PCCA: variants seen among roughly 807,000 people sequenced by gnomAD.
PCCA encodes propionyl-CoA carboxylase subunit alpha.
Under a neutral mutation model 101.3 loss-of-function variants are expected in PCCA, and 74 were observed. The ratio of observed to expected loss-of-function variants is 0.73; its 90% CI spans 0.61 to 0.89. The LOEUF (loss-of-function observed/expected upper bound fraction) is 0.89. PCCA is among the 40% of genes least tolerant of loss of function. PCCA has a pLI of 0.00. For synonymous variants in PCCA, 294 were observed against 313.6 expected (o/e 0.94, Z 0.66); for missense variants, 891 against 907.0 (o/e 0.98, Z 0.23).
intron 4 of PCCA, among the ~76,000 whole-genome samples, chr13:100,132,039 G>A (rs1175157966): frequency 6.6e-6 from 1 of 152,146 alleles, no homozygotes; most frequent in Non-Finnish European, 1.5e-5. Flanking sequence ...GACAATACTA[G>A]GGCAGAATAG....
chr13:100,160,974 TG>T (rs2054404143), intron 6 of PCCA: 3 of 69,174 alleles, frequency 4.3e-5, no homozygotes, highest in African/African-American at 1.8e-4. Context: ...GGATCCTATC[TG>T]TGTACTTGAA....
chr13:100,144,622 A>C (rs887153352), intron 4 of PCCA, among the ~76,000 whole-genome samples: 1 of 152,220 alleles, frequency 6.6e-6, no homozygotes, highest in African/African-American at 2.4e-5. Flanking sequence ...TTAAAAATAC[A>C]TACACTATAT....
intron 22 of PCCA, among the ~76,000 whole-genome samples, chr13:100,519,743 TA>T (rs1251521223): frequency 6.6e-6 from 1 of 152,262 alleles, no homozygotes; most frequent in Non-Finnish European, 1.5e-5. Flanking sequence ...CTTTATTTTT[TA>T]TTTCTTAAAC....
intron 20 of PCCA, among the ~76,000 whole-genome samples, chr13:100,440,672 TCCC>T (rs973214193): frequency 2.6e-4 from 40 of 152,014 alleles, no homozygotes; most frequent in African/African-American, 9.6e-4. Flanking sequence ...TTAAAAATGT[TCCC>T]CCCACCCCCA....
At chr13:100,417,123 G>A (rs1208833591) in intron 19 of PCCA, among the ~76,000 whole-genome samples, 5 of 152,222 alleles carry the variant, frequency 3.3e-5, no homozygotes, top group Admixed American at 6.5e-5. Flanking sequence ...GATTACAGGC[G>A]TGAGCCACCG....
At chr13:100,418,850 AAAG>A (rs977486057) in intron 19 of PCCA, among the ~76,000 whole-genome samples, 3 of 151,534 alleles carry the variant, frequency 2.0e-5, no homozygotes, top group East Asian at 1.9e-4. Context: ...AAAAAAGAAA[AAAG>A]AAGAAAAAAA....
chr13:100,529,922 G>T (rs1414878147), intron 23 of PCCA, among the ~76,000 whole-genome samples, 176 bp from the exon 24 acceptor site: 2 of 151,502 alleles, frequency 1.3e-5, no homozygotes, highest in Non-Finnish European at 2.9e-5. Flanking sequence ...CCACCATGGC[G>T]CCTCCCTGTT....
intron 4 of PCCA, among the ~76,000 whole-genome samples, chr13:100,113,970 C>A (rs2048560900): frequency 6.6e-6 from 1 of 152,094 alleles, no homozygotes; most frequent in Non-Finnish European, 1.5e-5. Context: ...ATTTTATAAG[C>A]TTTTTTCTGT....
intron 21 of PCCA, among the ~76,000 whole-genome samples, chr13:100,485,763 A>G (rs906397213): frequency 6.6e-6 from 1 of 152,204 alleles, no homozygotes; most frequent in African/African-American, 2.4e-5. Flanking sequence ...GCTGATGTAT[A>G]TGGAGCACTC....
At chr13:100,315,780 G>A (rs571657586) in intron 16 of PCCA, among the ~76,000 whole-genome samples, 8 of 152,152 alleles carry the variant, frequency 5.3e-5, no homozygotes, top group African/African-American at 1.9e-4. Flanking sequence ...GGTGAACTCT[G>A]CCAGAGGTCA....
At chr13:100,485,164 A>C (rs1437219460) in intron 21 of PCCA, among the ~76,000 whole-genome samples, 1 of 152,204 alleles carries the variant, frequency 6.6e-6, no homozygotes, top group Non-Finnish European at 1.5e-5. Context: ...TGGGTGTAGA[A>C]GAGAAAAGCT....
At chr13:100,452,358 A>C (rs1158799283) in intron 21 of PCCA, among the ~76,000 whole-genome samples, 1 of 151,922 alleles carries the variant, frequency 6.6e-6, no homozygotes, top group Non-Finnish European at 1.5e-5. Context: ...CCTCACTGCC[A>C]TGCTACTCCC....
intron 12 of PCCA, among the ~76,000 whole-genome samples, chr13:100,279,942 T>A (rs1337054615): frequency 1.3e-5 from 2 of 152,076 alleles, no homozygotes; most frequent in East Asian, 3.8e-4. Flanking sequence ...TCTTTTTTTA[T>A]TTTCTTTGAA....
At chr13:100,109,597 T>G (rs1010984767) in intron 2 of PCCA, among the ~76,000 whole-genome samples, 1 of 152,202 alleles carries the variant, frequency 6.6e-6, no homozygotes, top group Admixed American at 6.5e-5. Context: ...GCTTACTGTT[T>G]AAGAGGGGTT....
chr13:100,169,671 G>A (rs1418739415), intron 6 of PCCA, among the ~76,000 whole-genome samples: 3 of 150,340 alleles, frequency 2.0e-5, no homozygotes, highest in African/African-American at 4.9e-5. Flanking sequence ...GGAACTACAG[G>A]TGAGCGCCAC....
intron 6 of PCCA, among the ~76,000 whole-genome samples, chr13:100,204,842 A>G (rs2058756806): frequency 6.6e-6 from 1 of 152,126 alleles, no homozygotes; most frequent in African/African-American, 2.4e-5. Flanking sequence ...TGTAGTGGCT[A>G]GTCATAGGTG....
intron 6 of PCCA, among the ~76,000 whole-genome samples, chr13:100,183,372 T>A (rs992862542): frequency 3.3e-5 from 5 of 152,192 alleles, no homozygotes; most frequent in Admixed American, 6.5e-5. Context: ...ACATACATCT[T>A]TTGATGTGGC....
chr13:100,406,951 C>T lies in PCCA; in HGVS notation c.1747-18682C>T, dbSNP rs1054060922. Among the ~76,000 whole-genome samples, 4 of 152,180 alleles carry T rather than the reference C, an allele frequency of 2.6e-5. No homozygotes were observed. In the East Asian group the frequency reaches 7.7e-4, roughly 29 times the overall value. On this transcript the variant is annotated intron_variant, in intron 19 of 23. Transcript: ENST00000376285. Reference sequence around the variant, plus strand: ...TATTAGAAGCCTGTATTTGAGAGGACCTGTTAAAATTCTATAGCTTATTAT... The same window carrying T: ...TATTAGAAGCCTGTATTTGAGAGGATCTGTTAAAATTCTATAGCTTATTAT...
At chr13:100,408,556 A>AGTATCTGTATATACTGT (rs2077825300) in intron 19 of PCCA, among the ~76,000 whole-genome samples, 1 of 152,220 alleles carries the variant, frequency 6.6e-6, no homozygotes, top group Non-Finnish European at 1.5e-5. Flanking sequence ...TACCACACAC[A>AGTATCTGTATATACTGT]GTATATACAC....
Sources: allele counts gnomAD v4.1 joint callset (sites outside exome capture counted in the v4.1 genomes callset), GRCh38; gene constraint gnomAD v4.1.1; transcripts MANE v1.5; gene names NCBI Gene and HGNC (gene_info 2026-07-23, HGNC 2026-07-21).